Variants in HMGXB3 observed in about 807,000 individuals in gnomAD.
HMGXB3 encodes the protein HMG-box containing 3.
HMGXB3 carries 45 observed loss-of-function variants against 121.5 expected under a neutral mutation model. That is an observed-to-expected ratio of 0.37 (90% CI 0.29 to 0.47). HMGXB3 has a LOEUF of 0.47. Among genes scored for constraint, HMGXB3 ranks in the 20% least tolerant of loss-of-function variants. The pLI, the probability that HMGXB3 is intolerant of heterozygous loss-of-function variation, is 0.99. For synonymous variants in HMGXB3, 590 were observed against 624.1 expected (o/e 0.95, Z 0.81); for missense variants, 1,376 against 1,602.2 (o/e 0.86, Z 2.41).
intron 15 of HMGXB3, among the ~76,000 whole-genome samples, chr5:150,043,106 C>T (rs1756676715): frequency 6.6e-6 from 1 of 152,008 alleles, no homozygotes; most frequent in South Asian, 2.1e-4. Context: ...ACTACTTAAC[C>T]GATTAAAGGG....
chr5:150,041,903 T>C lies in HMGXB3; in HGVS notation c.2664T>C (p.Gly888=). The C allele has an allele frequency of 6.4e-7, 1 of 1,551,744 alleles. No individual in the cohort carries two copies. The highest frequency in any genetic ancestry group is 8.7e-7 in the Non-Finnish European group (1 of 1,146,982). The change falls in exon 15 of 20, where the codon GGT becomes GGC. Residue 888 remains glycine, a synonymous_variant. Transcript: ENST00000502717. ...DYNDMICGIC[G]VAPKVEMAQR... is the part of the protein sequence containing the mutation. ...ATGACATGATCTGTGGCATCTGTGG[T>C]GTGGCCCCCAAAGTGGAAATGGCTC...
At chr5:150,023,564 T>A (rs1229144022) in intron 6 of HMGXB3, among the ~76,000 whole-genome samples, 1 of 152,234 alleles carries the variant, frequency 6.6e-6, no homozygotes, top group African/African-American at 2.4e-5. Flanking sequence ...AATACTATTA[T>A]TTCCACTGCA....
chr5:150,025,186 T>C (rs1246657724), intron 7 of HMGXB3, among the ~76,000 whole-genome samples: 1 of 152,220 alleles, frequency 6.6e-6, no homozygotes, highest in Non-Finnish European at 1.5e-5. Context: ...AGGCTGACTG[T>C]ACAAACTGAA....
At chr5:150,042,031 C>A in intron 15 of HMGXB3, 62 bp downstream of exon 15, 1 of 1,373,566 alleles carries the variant, frequency 7.3e-7, no homozygotes, top group Non-Finnish European at 1.0e-6. Context: ...CACCTCCCTT[C>A]CTATATGATA....
At chr5:150,047,517 G>T (rs531809375) in intron 16 of HMGXB3, 107 bp from the exon 17 acceptor site, 2 of 1,326,150 alleles carry the variant, frequency 1.5e-6, no homozygotes, top group South Asian at 2.9e-5. Flanking sequence ...CACTGGGGGA[G>T]GGCTTGGTGC....
chr5:150,040,848 T>G lies in HMGXB3; in HGVS notation c.2514T>G (p.Asn838Lys). 6.4e-7 allele frequency: 1 copy of G among 1,551,262 alleles called. No homozygotes were observed. Among genetic ancestry groups the G allele is most frequent in the Non-Finnish European group, 8.7e-7 (1 of 1,146,810 alleles). Residue 838 changes from asparagine to lysine, a missense_variant, in exon 14 of 20, where the codon AAT (asparagine) becomes AAG (lysine). This residue lies in a region of HMGXB3 where 1,116 missense variants were observed against 1,369.0 expected (regional missense o/e 0.82). Transcript: ENST00000502717. ...KLGEDPRVSI[N>K]VVLKSVQEQT... ...GAGAGGACCCCAGAGTGTCCATCAA[T>G]GTTGTTCTGAAGTCGGTGCAGGAGC...
intron 6 of HMGXB3, among the ~76,000 whole-genome samples, chr5:150,020,717 A>G (rs1383699330): frequency 6.7e-6 from 1 of 148,392 alleles, no homozygotes; most frequent in Non-Finnish European, 1.5e-5. Flanking sequence ...ATGACATCAT[A>G]CCATCATACC....
At chr5:150,046,340 C>T (rs6894582) in intron 16 of HMGXB3, among the ~76,000 whole-genome samples, 29,986 of 152,114 alleles carry the variant, frequency 0.2, 4,150 homozygotes, top group African/African-American at 0.38. Flanking sequence ...TGTGTCATGA[C>T]GCAGAATGAT....
In HMGXB3 at chr5:150,024,650, G is replaced by T. The variant is rs115942845; in HGVS notation, c.1430G>T (p.Ser477Ile). 1,445 of 1,550,250 alleles carry T rather than the reference G, an allele frequency of 9.3e-4. 7 individuals are homozygous for T. In the African/African-American group the frequency reaches 0.012, roughly 13 times the overall value. Residue 477 changes from serine to isoleucine, a missense_variant, in exon 7 of 20, where the codon AGT (serine) becomes ATT (isoleucine). Transcript: ENST00000502717. ...PTPSEGTSTSSPLPAPKKPTG... is the reference protein window; with the variant it reads ...PTPSEGTSTSIPLPAPKKPTG... ...CCATCCGAGGGGACAAGTACCTCCA[G>T]TCCACTCCCTGCTCCTAAAAAACCT... is the stretch of plus-strand genomic sequence containing the variant.
intron 1 of HMGXB3, among the ~76,000 whole-genome samples, chr5:150,001,849 A>G (rs1345509957): frequency 2.6e-5 from 4 of 152,162 alleles, no homozygotes; most frequent in African/African-American, 4.8e-5. Flanking sequence ...TTAGTACCCT[A>G]TATGCCATTC....
At chr5:150,030,582 G>A (rs1756348854) in intron 9 of HMGXB3, 159 bp from the exon 10 acceptor site, 3 of 603,612 alleles carry the variant, frequency 5.0e-6, no homozygotes, top group Admixed American at 2.9e-5. Context: ...CTCAGCCTTT[G>A]GTGGGCTTGT....
rs767047226 is a variant in HMGXB3, at chr5:150,024,462, G to C, written c.1242G>C (p.Glu414Asp). 19 of 1,551,732 alleles carry C rather than the reference G, an allele frequency of 1.2e-5. No homozygotes were observed. The highest frequency in any genetic ancestry group is 1.7e-4 in the Middle Eastern group (1 of 5,992). ...APPREVGEES[E>D]WEEVIISDAH... is the part of the protein sequence containing the mutation. The stretch of plus-strand genomic sequence containing the variant: ...CCAGAGAAGTAGGTGAGGAGAGTGA[G>C]TGGGAGGAAGTGATCATCTCCGATG... The change falls in exon 7 of 20, where the codon GAG (glutamate) becomes GAC (aspartate). Residue 414 changes from glutamate (E) to aspartate (D), a missense_variant. Around this residue, in one of 2 missense-constraint regions of HMGXB3, gnomAD observed 1,116 missense variants for 1,369.0 expected, o/e 0.82. Transcript: ENST00000502717.
In HMGXB3 at chr5:150,011,209, A is replaced by G. The variant is rs527743453; in HGVS notation, c.810+601A>G. On this transcript the variant is annotated intron_variant, in intron 4 of 19. Coordinates refer to ENST00000502717, the MANE Select transcript of HMGXB3 (RefSeq NM_014983.3). ...GGGTAGGAAGAAAAAAGTTATCTTC[A>G]AGGCCAGGTTGATGGGACTTACCTC... 3.3e-5 allele frequency among the ~76,000 whole-genome samples: 5 copies of G among 152,312 alleles called. No individual in the cohort carries two copies. The East Asian group carries it at 7.7e-4, about 24-fold the overall frequency.
intron 9 of HMGXB3, among the ~76,000 whole-genome samples, chr5:150,028,974 A>G (rs1436755559): frequency 2.6e-5 from 4 of 152,120 alleles, no homozygotes; most frequent in Non-Finnish European, 5.9e-5. Flanking sequence ...CTAGGATCAG[A>G]TATTAACGTT....
At chr5:150,027,927 A>G (rs995294541) in intron 9 of HMGXB3, among the ~76,000 whole-genome samples, 1 of 152,186 alleles carries the variant, frequency 6.6e-6, no homozygotes, top group Non-Finnish European at 1.5e-5. Context: ...AATTGTGTCA[A>G]TTCGACCTGT....
intron 11 of HMGXB3, among the ~76,000 whole-genome samples, chr5:150,036,144 A>G (rs1489673239): frequency 6.6e-6 from 1 of 152,206 alleles, no homozygotes. Flanking sequence ...GTTATCCTCT[A>G]AACCCCATAC....
chr5:150,044,850 A>G (rs1375869323), intron 15 of HMGXB3, among the ~76,000 whole-genome samples: 2 of 152,224 alleles, frequency 1.3e-5, no homozygotes, highest in Non-Finnish European at 2.9e-5. Flanking sequence ...AAAATTGAGT[A>G]GCACAAGCGC....
rs993818666 is a variant in HMGXB3 at position 150,040,650 on chromosome 5, C to T, written c.2414-98C>T. The T allele has an allele frequency of 9.5e-6, 12 of 1,267,760 alleles. No homozygotes were observed. The Admixed American group carries it at 1.1e-4, about 11-fold the overall frequency. The allele number at this position is 1,267,760 out of a possible 1,614,324, so 78.5% of individuals were successfully genotyped here. A position where few individuals can be genotyped will look rare whatever the true frequency, so the allele number is the denominator to read the frequency against. On this transcript the variant is annotated intron_variant, in intron 13 of 19. Transcript: ENST00000502717. The stretch of plus-strand genomic sequence containing the variant: ...GCCTCATCCTCCCAAGTGCCTGCAA[C>T]TACAGGCACGTGCCACCGCACCCAG...
At position 150,037,519 on chromosome 5, in the gene HMGXB3, T is replaced by G. The variant is rs1406485444; in HGVS notation, c.2405T>G (p.Ile802Ser). ...CTGGCCCTGCACAGCTTCATAGACA[T>G]CTACACAGGTGGGTGCCAACCTTCT... ...HCLALHSFIDIYTGLFNVGNK... is the reference protein window; with the variant it reads ...HCLALHSFIDSYTGLFNVGNK... The change falls in exon 13 of 20, where the codon ATC (isoleucine) becomes AGC (serine). Residue 802 changes from isoleucine (I) to serine (S), a missense_variant. Around this residue, in one of 2 missense-constraint regions of HMGXB3, gnomAD observed 1,116 missense variants for 1,369.0 expected, o/e 0.82. Transcript: ENST00000502717. 1 of 1,542,836 alleles carries G rather than the reference T, an allele frequency of 6.5e-7. No individual in the cohort carries two copies. Among genetic ancestry groups the G allele is most frequent in the Non-Finnish European group, 8.8e-7 (1 of 1,141,402 alleles).
Sources: allele counts gnomAD v4.1 joint callset (sites outside exome capture counted in the v4.1 genomes callset), GRCh38; gene constraint gnomAD v4.1.1; regional missense constraint gnomAD v4.1.1; transcripts MANE v1.5; gene names NCBI Gene and HGNC (gene_info 2026-07-23, HGNC 2026-07-21).